Variants in KIRREL1 observed in about 807,000 individuals in gnomAD.
KIRREL1 encodes kin of IRRE-like protein 1.
Under a neutral mutation model 83.3 loss-of-function variants are expected in KIRREL1, and 25 were observed. The ratio of observed to expected loss-of-function variants is 0.30; its 90% CI spans 0.22 to 0.42. The LOEUF (loss-of-function observed/expected upper bound fraction) is 0.42, where lower values mean the gene tolerates loss of function less well. KIRREL1 is among the 10% of genes least tolerant of loss of function. KIRREL1 has a pLI of 1.00. For missense variants in KIRREL1, 812 were observed against 1,032.3 expected (o/e 0.79, Z 2.92); for synonymous variants, 388 against 410.4 (o/e 0.95, Z 0.66).
At chr1:158,064,672 A>T (rs114615230) in intron 1 of KIRREL1, among the ~76,000 whole-genome samples, 1 of 152,146 alleles carries the variant, frequency 6.6e-6, no homozygotes, top group African/African-American at 2.4e-5. Context: ...ACAACTGTTA[A>T]TGTCTATCCT....
intron 1 of KIRREL1, among the ~76,000 whole-genome samples, chr1:158,042,053 T>G (rs1660642217): frequency 6.6e-6 from 1 of 152,128 alleles, no homozygotes; most frequent in African/African-American, 2.4e-5. Flanking sequence ...CTCAGAGAAC[T>G]TGTTCAGAGA....
intron 1 of KIRREL1, among the ~76,000 whole-genome samples, chr1:158,006,934 C>T (rs1400710603): frequency 6.6e-6 from 1 of 152,218 alleles, no homozygotes; most frequent in African/African-American, 2.4e-5. Flanking sequence ...TCAGAAGTGT[C>T]CTTGTCCCGC....
intron 1 of KIRREL1, among the ~76,000 whole-genome samples, chr1:158,066,248 G>A (rs546930979): frequency 1.3e-5 from 2 of 151,802 alleles, no homozygotes; most frequent in South Asian, 2.1e-4. Flanking sequence ...TTGGAGTGGC[G>A]ACCATCAAGG....
chr1:158,075,170 A>G (rs7553166), intron 1 of KIRREL1, among the ~76,000 whole-genome samples: 114,127 of 152,156 alleles, frequency 0.75, 42,923 homozygotes, highest in Admixed American at 0.79. Context: ...GGTTGGAGCC[A>G]GTGGGTGGGA....
Position 158,099,787 on chromosome 1 carries a change from C to G in KIRREL1, c.*4667C>G, listed in dbSNP as rs1367429982. ...TGAGCTCTTCTGTTTGCTTTTGGAG[C>G]TCTTCAGATGCTGTCCCCCCTGAGA... On this transcript the variant is annotated 3_prime_UTR_variant, in exon 15 of 15. Transcript: ENST00000359209. The G allele has an allele frequency of 6.6e-6, 1 of 152,116 alleles. No homozygotes were observed. The highest frequency in any genetic ancestry group is 1.5e-5 in the Non-Finnish European group (1 of 68,018). The allele number at this position is 152,116 out of a possible 1,614,324, so 9.4% of individuals were successfully genotyped here. A position where few individuals can be genotyped will look rare whatever the true frequency, so the allele number is the denominator to read the frequency against.
chr1:157,995,492 G>A (rs1659168318), intron 1 of KIRREL1, among the ~76,000 whole-genome samples: 2 of 152,102 alleles, frequency 1.3e-5, no homozygotes, highest in Admixed American at 1.3e-4. Context: ...TGGTGGTGGT[G>A]GAGGGGGGTC....
At chr1:158,003,092 T>C (rs1307391823) in intron 1 of KIRREL1, among the ~76,000 whole-genome samples, 1 of 152,134 alleles carries the variant, frequency 6.6e-6, no homozygotes, top group Non-Finnish European at 1.5e-5. Flanking sequence ...ATTATTATTA[T>C]TTTTCCTCCT....
chr1:157,995,979 T>G (rs1434105660), intron 1 of KIRREL1, among the ~76,000 whole-genome samples: 2 of 151,140 alleles, frequency 1.3e-5, no homozygotes, highest in African/African-American at 4.9e-5. Flanking sequence ...CCCCCTTTCC[T>G]TAGCCTCCAT....
Position 158,095,625 on chromosome 1 carries a change from C to T in KIRREL1, c.*505C>T, listed in dbSNP as rs1662335768. On this transcript the variant is annotated 3_prime_UTR_variant, in exon 15 of 15. Coordinates refer to ENST00000359209, the MANE Select transcript of KIRREL1 (RefSeq NM_018240.7). ...TGCCCTGGGTGCCTCTCTCCTTCCT[C>T]AGGGTACTGCAGAAGGGAGCGAACA... 1.3e-5 allele frequency: 2 copies of T among 154,214 alleles called. No individual in the cohort carries two copies. Among genetic ancestry groups the T allele is most frequent in the African/African-American group, 4.8e-5 (2 of 41,468 alleles). The allele number at this position is 154,214 out of a possible 1,614,324, so 9.6% of individuals were successfully genotyped here.
In KIRREL1 at chr1:158,096,472, T is replaced by C; in HGVS notation, c.*1352T>C. 1 of 397,240 alleles carries C rather than the reference T, an allele frequency of 2.5e-6. No individual in the cohort carries two copies. Among genetic ancestry groups the C allele is most frequent in the Non-Finnish European group, 5.1e-6 (1 of 195,864 alleles). The allele number at this position is 397,240 out of a possible 1,614,324, so 24.6% of individuals were successfully genotyped here. On this transcript the variant is annotated 3_prime_UTR_variant, in exon 15 of 15. Coordinates refer to ENST00000359209, the MANE Select transcript of KIRREL1 (RefSeq NM_018240.7). ...CCTATGTGGGCGGTTGTGTGGGGAGTGGGTACTTGTGAGCCTCGGACACAC... is the reference window on the plus strand; with the variant it reads ...CCTATGTGGGCGGTTGTGTGGGGAGCGGGTACTTGTGAGCCTCGGACACAC...
At chr1:158,001,483 A>G (rs1030291048) in intron 1 of KIRREL1, among the ~76,000 whole-genome samples, 3 of 152,200 alleles carry the variant, frequency 2.0e-5, no homozygotes, top group Non-Finnish European at 2.9e-5. Context: ...AGAAACTAAG[A>G]TATACACACA....
intron 2 of KIRREL1, among the ~76,000 whole-genome samples, chr1:158,077,318 A>G (rs1426962693): frequency 6.6e-6 from 1 of 152,166 alleles, no homozygotes; most frequent in Non-Finnish European, 1.5e-5. Flanking sequence ...TGAGATCAAT[A>G]GATATGGAGT....
chr1:158,051,504 C>T (rs1481924981), intron 1 of KIRREL1, among the ~76,000 whole-genome samples: 2 of 152,190 alleles, frequency 1.3e-5, no homozygotes, highest in Non-Finnish European at 2.9e-5. Context: ...TACCAGTAAC[C>T]AGCATGTAGC....
chr1:158,035,655 G>C (rs1443641352), intron 1 of KIRREL1, among the ~76,000 whole-genome samples: 5 of 152,124 alleles, frequency 3.3e-5, no homozygotes, highest in African/African-American at 9.7e-5. Context: ...GGTGGAGCTG[G>C]GATTCAAACC....
At chr1:158,003,888 G>T (rs1451433206) in intron 1 of KIRREL1, among the ~76,000 whole-genome samples, 1 of 152,134 alleles carries the variant, frequency 6.6e-6, no homozygotes, top group Non-Finnish European at 1.5e-5. Context: ...CATTTATGCA[G>T]AAAATCGAGA....
chr1:158,016,039 C>T lies in KIRREL1; in HGVS notation c.52+22311C>T, dbSNP rs191046103. Among the ~76,000 whole-genome samples the T allele has an allele frequency of 3.6e-3, 547 of 152,278 alleles. 5 individuals carry two copies. Among genetic ancestry groups the T allele is most frequent in the African/African-American group, 0.013 (524 of 41,562 alleles). Reference sequence around the variant, plus strand: ...TAAGAAAGCAGGCTGGGTGCGGCGGCTCAAGCCTGTAATCCCAGCACTTTG... The same window carrying T: ...TAAGAAAGCAGGCTGGGTGCGGCGGTTCAAGCCTGTAATCCCAGCACTTTG... On this transcript the variant is annotated intron_variant, in intron 1 of 14. Transcript: ENST00000359209.
chr1:158,091,442 C>G lies in KIRREL1; in HGVS notation c.1357C>G (p.Leu453Val). The change falls in exon 11 of 15, where the codon CTA becomes GTA. Residue 453 changes from leucine (L) to valine (V), a missense_variant. Leu to Val is a conservative substitution (Grantham distance 32, BLOSUM62 1). Around this residue, in one of 3 missense-constraint regions of KIRREL1, gnomAD observed 472 missense variants for 626.8 expected, o/e 0.75. Transcript: ENST00000359209. ...VERTNSGSGVLSTLTINNVME... is the reference protein window; with the variant it reads ...VERTNSGSGVVSTLTINNVME... ...GAGGACCAACTCAGGCAGTGGGGTG[C>G]TATCCACGCTCACCATCAACAATGT... The G allele has an allele frequency of 3.1e-6, 5 of 1,614,072 alleles. No homozygotes were observed. Among genetic ancestry groups the G allele is most frequent in the Non-Finnish European group, 4.2e-6 (5 of 1,179,968 alleles).
At chr1:157,994,180 A>C (rs1187986572) in intron 1 of KIRREL1, among the ~76,000 whole-genome samples, 3 of 152,094 alleles carry the variant, frequency 2.0e-5, no homozygotes, top group Non-Finnish European at 4.4e-5. Context: ...CCACCTCCCG[A>C]AGATGTTGCC....
Position 158,094,332 on chromosome 1 carries a change from A to C in KIRREL1, c.1739A>C (p.Asp580Ala). 6.5e-7 allele frequency: 1 copy of C among 1,546,570 alleles called. No individual in the cohort carries two copies. ...CCACAGTCGTTTAAGGATGATGTGG[A>C]TCTGAAGCAGGACCTGCGCTGCGAC... Reference protein sequence around the residue: ...AIYSSFKDDVDLKQDLRCDTI... With the variant: ...AIYSSFKDDVALKQDLRCDTI... Residue 580 changes from aspartate to alanine, a missense_variant, in exon 14 of 15, where the codon GAT becomes GCT. Transcript: ENST00000359209. This position sits in a 1 kb window ranked among gnomAD's most constrained non-coding sequence, Gnocchi z 4.6.
Sources: gnomAD v4.1 joint callset for allele counts (sites outside exome capture counted in the v4.1 genomes callset) on GRCh38, gnomAD v4.1.1 for gene constraint, gnomAD v4.1.1 regional missense constraint, Gnocchi (gnomAD v3.1) non-coding constraint, MANE v1.5 for transcripts, NCBI Gene and HGNC (gene_info 2026-07-23, HGNC 2026-07-21) for gene names.